The following ACYP2 variants were observed in gnomAD, a reference collection of about 807,000 sequenced individuals.
ACYP2 encodes the protein acylphosphatase-2.
A neutral mutation model predicts 11.2 loss-of-function variants in ACYP2; 12 were observed. The observed-to-expected ratio is 1.08, with a 90% CI of 0.69 to 1.74. The LOEUF is 1.74. ACYP2 is among the 40% of genes most tolerant of loss of function. ACYP2 has a pLI of 0.00. For synonymous variants in ACYP2, 43 were observed against 32.2 expected (o/e 1.33, Z -1.13); for missense variants, 134 against 101.9 (o/e 1.31, Z -1.35).
chr2:54,304,960 A>G lies in ACYP2; in HGVS notation c.*158A>G, dbSNP rs1003335480. On this transcript the variant is annotated 3_prime_UTR_variant, in exon 7 of 7. Coordinates refer to ENST00000607452, the MANE Select transcript of ACYP2 (RefSeq NM_001320586.2). ...ACTAAAAATGTCTGACACTGAAATAATTTTACTCAACTATGTTTTCAACAA... is the reference window on the plus strand; with the variant it reads ...ACTAAAAATGTCTGACACTGAAATAGTTTTACTCAACTATGTTTTCAACAA... The G allele has an allele frequency of 1.2e-5, 5 of 425,494 alleles. No individual in the cohort carries two copies. Among genetic ancestry groups the G allele is most frequent in the Non-Finnish European group, 1.7e-5 (4 of 241,616 alleles). 26.4% of individuals were successfully genotyped at this position (425,494 alleles called of 1,614,324 possible).
chr2:54,031,346 A>T (rs867440696), intron 2 of ACYP2, among the ~76,000 whole-genome samples: 1 of 138,600 alleles, frequency 7.2e-6, no homozygotes, highest in Admixed American at 8.2e-5. Context: ...TCATTGTTCA[A>T]TTCCCACCTA....
At chr2:54,003,889 G>C (rs775753607) in intron 2 of ACYP2, among the ~76,000 whole-genome samples, 1 of 152,114 alleles carries the variant, frequency 6.6e-6, no homozygotes, top group African/African-American at 2.4e-5. Flanking sequence ...CTAGCTCCTC[G>C]CTAGCATTTA....
At chr2:54,070,922 GTTTGTTTT>G (rs1399400216) in intron 4 of ACYP2, among the ~76,000 whole-genome samples, 4 of 151,628 alleles carry the variant, frequency 2.6e-5, no homozygotes, top group African/African-American at 9.7e-5. Context: ...TTGTTTGTTT[GTTTGTTTT>G]TTTCAGAGAC....
At chr2:54,058,220 G>T (rs1447164696) in intron 4 of ACYP2, among the ~76,000 whole-genome samples, 1 of 151,010 alleles carries the variant, frequency 6.6e-6, no homozygotes, top group African/African-American at 2.4e-5. Flanking sequence ...TATTCTCATT[G>T]GTTCTTTTTG....
chr2:54,289,573 G>A (rs1005486835), intron 6 of ACYP2, among the ~76,000 whole-genome samples: 4 of 151,620 alleles, frequency 2.6e-5, no homozygotes, highest in Admixed American at 2.0e-4. Context: ...AAAGGAAAAC[G>A]TTTTTTATGA....
intron 2 of ACYP2, among the ~76,000 whole-genome samples, chr2:54,043,516 T>C (rs147202587): frequency 1.3e-5 from 2 of 152,346 alleles, no homozygotes; most frequent in East Asian, 3.9e-4. Context: ...ATGAAAAATC[T>C]ATCTATAATT....
intron 2 of ACYP2, among the ~76,000 whole-genome samples, chr2:54,018,704 C>G (rs546174886): frequency 5.9e-5 from 9 of 152,034 alleles, no homozygotes; most frequent in African/African-American, 2.2e-4. Flanking sequence ...GGCTTTTGCT[C>G]TTTATATTAA....
At chr2:54,219,903 A>ATT (rs1240349827) in intron 6 of ACYP2, among the ~76,000 whole-genome samples, 14 of 100,448 alleles carry the variant, frequency 1.4e-4, no homozygotes, top group African/African-American at 2.2e-4. Context: ...ATATATATAT[A>ATT]TATTTTTTTT....
intron 2 of ACYP2, among the ~76,000 whole-genome samples, chr2:54,001,805 C>A (rs913480346): frequency 6.6e-6 from 1 of 152,334 alleles, no homozygotes; most frequent in South Asian, 2.1e-4. Context: ...GGAAGTCTTC[C>A]TCCTGCCATG....
chr2:54,010,889 G>A (rs1227224424), intron 2 of ACYP2, among the ~76,000 whole-genome samples: 1 of 151,398 alleles, frequency 6.6e-6, no homozygotes, highest in Non-Finnish European at 1.5e-5. Context: ...GGCTGGTCTC[G>A]AACTCCTGAT....
intron 6 of ACYP2, among the ~76,000 whole-genome samples, chr2:54,258,298 CAA>C (rs1238438111): frequency 6.6e-6 from 1 of 152,080 alleles, no homozygotes; most frequent in African/African-American, 2.4e-5. Context: ...GAGATTTTGG[CAA>C]AGAGTCAAAG....
Position 54,305,033 on chromosome 2 carries a change from G to T in ACYP2, c.*231G>T. ...TTAAAATGTCATTACAAAATATTTA[G>T]TGTGAACATTTAATTTAAACTTGTC... On this transcript the variant is annotated 3_prime_UTR_variant, in exon 7 of 7. Coordinates refer to ENST00000607452, the MANE Select transcript of ACYP2 (RefSeq NM_001320586.2). 3.2e-6 allele frequency: 1 copy of T among 311,474 alleles called. No individual in the cohort carries two copies. 19.3% of individuals were successfully genotyped at this position (311,474 alleles called of 1,614,324 possible). A position where few individuals can be genotyped will look rare whatever the true frequency, so the allele number is the denominator to read the frequency against.
rs1286517683 is a variant in ACYP2, at chr2:54,219,903, A to T, written c.404+81155A>T. 5.0e-3 allele frequency among the ~76,000 whole-genome samples: 498 copies of T among 100,326 alleles called. 7 individuals are homozygous for T. Among genetic ancestry groups the T allele is most frequent in the African/African-American group, 0.014 (381 of 27,110 alleles). The allele number at this position is 100,326 out of a possible 152,430, so 65.8% of individuals were successfully genotyped here. On this transcript the variant is annotated intron_variant, in intron 6 of 6. Transcript: ENST00000607452. ...TGTGTATATATATATATATATATAT[A>T]TATTTTTTTTTTTTTTTTAGTAGAG...
chr2:54,028,910 G>A (rs892965063), intron 2 of ACYP2, among the ~76,000 whole-genome samples: 2 of 152,154 alleles, frequency 1.3e-5, no homozygotes, highest in African/African-American at 4.8e-5. Context: ...TGTAATCCCA[G>A]AATTTTGAGA....
intron 2 of ACYP2, among the ~76,000 whole-genome samples, chr2:53,977,593 G>C (rs1381328548): frequency 1.3e-5 from 2 of 151,924 alleles, no homozygotes; most frequent in Non-Finnish European, 2.9e-5. Context: ...AAATTAGCTG[G>C]GTGTGGTGGC....
chr2:54,270,511 AG>A (rs1213057074), intron 6 of ACYP2, among the ~76,000 whole-genome samples: 2 of 152,178 alleles, frequency 1.3e-5, no homozygotes, highest in African/African-American at 4.8e-5. Context: ...GGGAGGCTGA[AG>A]TGGGAAGATC....
chr2:54,090,324 T>C (rs1678159004), intron 4 of ACYP2, among the ~76,000 whole-genome samples: 2 of 151,988 alleles, frequency 1.3e-5, no homozygotes, highest in African/African-American at 2.4e-5. Context: ...ACTGGGCTAC[T>C]TGGCATCCTC....
At chr2:54,015,760 C>T (rs982634128) in intron 2 of ACYP2, among the ~76,000 whole-genome samples, 1 of 152,056 alleles carries the variant, frequency 6.6e-6, no homozygotes, top group African/African-American at 2.4e-5. Flanking sequence ...CAGGTGATTT[C>T]AGATGCATGT....
intron 6 of ACYP2, among the ~76,000 whole-genome samples, chr2:54,220,694 T>C (rs1009008080): frequency 6.6e-6 from 1 of 152,230 alleles, no homozygotes; most frequent in Non-Finnish European, 1.5e-5. Context: ...ATTTCCTACA[T>C]AATTATAAAT....
Sources: allele counts gnomAD v4.1 joint callset (sites outside exome capture counted in the v4.1 genomes callset), GRCh38; gene constraint gnomAD v4.1.1; transcripts MANE v1.5; gene names NCBI Gene and HGNC (gene_info 2026-07-23, HGNC 2026-07-21).